The following XRN1 variants were observed in gnomAD, a reference collection of about 807,000 sequenced individuals.
The protein encoded by XRN1 is strand-exchange protein 1 homolog.
Under a neutral mutation model 222.3 loss-of-function variants are expected in XRN1, and 67 were observed. The ratio of observed to expected loss-of-function variants is 0.30; its 90% CI spans 0.25 to 0.37. XRN1 has a LOEUF of 0.37. XRN1 is among the 10% of genes least tolerant of loss of function. The probability of loss-of-function intolerance (pLI) is 1.00; values close to 1 mark genes in which losing one functional copy is unlikely to be tolerated. For synonymous variants in XRN1, 643 were observed against 652.4 expected (o/e 0.99, Z 0.22); for missense variants, 1,707 against 2,000.2 (o/e 0.85, Z 2.80).
intron 15 of XRN1, 24 bp from the exon 16 acceptor site, chr3:142,405,100 G>C (rs2068293868): frequency 6.2e-7 from 1 of 1,605,738 alleles, no homozygotes; most frequent in Admixed American, 1.7e-5. Flanking sequence ...TTGAAGAGAA[G>C]GGTTACAAGC....
chr3:142,434,920 G>T (rs1031074376), intron 1 of XRN1: 1 of 152,020 alleles, frequency 6.6e-6, no homozygotes, highest in South Asian at 2.1e-4. Context: ...TGTAAGAAAT[G>T]TAACAAAAAA....
At chr3:142,413,638 C>T (rs2068675061) in intron 14 of XRN1, among the ~76,000 whole-genome samples, 1 of 152,182 alleles carries the variant, frequency 6.6e-6, no homozygotes, top group African/African-American at 2.4e-5. Flanking sequence ...TATTTTCCTC[C>T]TGTTACATGA....
intron 37 of XRN1, among the ~76,000 whole-genome samples, chr3:142,324,830 ATT>A (rs2065471667): frequency 6.6e-6 from 1 of 152,038 alleles, no homozygotes; most frequent in Non-Finnish European, 1.5e-5. Flanking sequence ...TTTGATTTGC[ATT>A]TCTCTGATGG....
intron 13 of XRN1, among the ~76,000 whole-genome samples, chr3:142,416,172 T>C (rs2068779139): frequency 6.6e-6 from 1 of 152,052 alleles, no homozygotes; most frequent in Admixed American, 6.6e-5. Context: ...TTATTCTGTT[T>C]ATTTATTTAT....
chr3:142,430,086 T>C (rs986355083), intron 2 of XRN1, among the ~76,000 whole-genome samples: 1 of 152,100 alleles, frequency 6.6e-6, no homozygotes, highest in Non-Finnish European at 1.5e-5. Context: ...AAGGAGTAAG[T>C]TCCCGAAACC....
At chr3:142,348,159 A>G (rs1355720518) in intron 32 of XRN1, among the ~76,000 whole-genome samples, 1 of 151,960 alleles carries the variant, frequency 6.6e-6, no homozygotes, top group East Asian at 1.9e-4. Flanking sequence ...CATTCATTCT[A>G]TTTACTTGAT....
chr3:142,346,485 C>CTT (rs1252729302), intron 33 of XRN1, among the ~76,000 whole-genome samples: 6 of 143,052 alleles, frequency 4.2e-5, no homozygotes, highest in Non-Finnish European at 7.7e-5. Flanking sequence ...CAATCATCCT[C>CTT]TTTTTTTTTT....
chr3:142,354,289 G>C (rs1218999756), intron 32 of XRN1, among the ~76,000 whole-genome samples: 1 of 152,108 alleles, frequency 6.6e-6, no homozygotes, highest in African/African-American at 2.4e-5. Flanking sequence ...ATGCTGGTGA[G>C]GCTGTAGAAA....
intron 12 of XRN1, 24 bp downstream of exon 12, chr3:142,418,475 TTAAAA>T (rs1397952164): frequency 6.6e-7 from 1 of 1,525,070 alleles, no homozygotes; most frequent in Non-Finnish European, 8.9e-7. Flanking sequence ...TTTTTCTATT[TTAAAA>T]TAAAAGCATT....
chr3:142,347,781 A>G (rs2066191163), intron 32 of XRN1, among the ~76,000 whole-genome samples: 1 of 151,650 alleles, frequency 6.6e-6, no homozygotes, highest in Non-Finnish European at 1.5e-5. Context: ...TATTTTCAGT[A>G]GAGACGGGGT....
At position 142,335,500 on chromosome 3, in the gene XRN1, T is replaced by C. The variant is rs748041173; in HGVS notation, c.3887A>G (p.Glu1296Gly). Reference protein sequence around the residue: ...KHDPHRKFKEECKSPKAECWS... With the variant: ...KHDPHRKFKEGCKSPKAECWS... ...ACACTCAGCTTTAGGACTCTTACAC[T>C]CTTCTTTAACTAGAGACAAGAAAAC... The change falls in exon 34 of 41, where the codon GAG becomes GGG. Residue 1296 changes from glutamate to glycine, a missense_variant. This residue lies in a region of XRN1 where 473 missense variants were observed against 482.0 expected (regional missense o/e 0.98). Coordinates refer to ENST00000392981, the MANE Select transcript of XRN1 (RefSeq NM_001282857.2). 1.9e-6 allele frequency: 3 copies of C among 1,613,416 alleles called. No homozygotes were observed. The highest frequency in any genetic ancestry group is 1.1e-5 in the South Asian group (1 of 90,914).
At chr3:142,386,724 C>T (rs958441859) in intron 20 of XRN1, among the ~76,000 whole-genome samples, 13 of 151,954 alleles carry the variant, frequency 8.6e-5, no homozygotes, top group African/African-American at 3.1e-4. Flanking sequence ...TTCAAATGGC[C>T]AACAAACACG....
intron 32 of XRN1, among the ~76,000 whole-genome samples, chr3:142,349,043 C>T (rs146649183): frequency 1.5e-3 from 229 of 152,214 alleles, no homozygotes; most frequent in African/African-American, 5.4e-3. Flanking sequence ...ACCTTCGACT[C>T]CTGGGTTCAA....
In XRN1 at chr3:142,372,486, A is replaced by G. The variant is rs374001732; in HGVS notation, c.2979-1158T>C. Among the ~76,000 whole-genome samples the G allele has an allele frequency of 3.2e-3, 486 of 152,298 alleles. 2 individuals are homozygous for G. Among genetic ancestry groups the G allele is most frequent in the African/African-American group, 9.6e-3 (399 of 41,564 alleles). Reference sequence around the variant, plus strand: ...AATGAATTCCTTGAACAGCCCCACAAAGATCTCAAACTGGGATGGCCCTTC... The same window carrying G: ...AATGAATTCCTTGAACAGCCCCACAGAGATCTCAAACTGGGATGGCCCTTC... On this transcript the variant is annotated intron_variant, in intron 25 of 40. Transcript: ENST00000392981.
In XRN1 at chr3:142,311,259, A is replaced by C. The variant is rs1320510323; in HGVS notation, c.*252T>G. Reference sequence around the variant, plus strand: ...GTGATATTATTTTAATGCAAGGTTTAATTTAGTTTTTTATTACAGATTTAT... The same window carrying C: ...GTGATATTATTTTAATGCAAGGTTTCATTTAGTTTTTTATTACAGATTTAT... On this transcript the variant is annotated 3_prime_UTR_variant, in exon 41 of 41. Coordinates refer to ENST00000392981, the MANE Select transcript of XRN1 (RefSeq NM_001282857.2). 3.5e-6 allele frequency: 1 copy of C among 286,170 alleles called. No individual in the cohort carries two copies. Among genetic ancestry groups the C allele is most frequent in the Non-Finnish European group, 6.4e-6 (1 of 155,386 alleles). 17.7% of individuals were successfully genotyped at this position (286,170 alleles called of 1,614,324 possible). A position where few individuals can be genotyped will look rare whatever the true frequency, so the allele number is the denominator to read the frequency against.
chr3:142,328,703 TTATATATA>T (rs67278209), intron 37 of XRN1, among the ~76,000 whole-genome samples: 10 of 47,168 alleles, frequency 2.1e-4, no homozygotes, highest in Admixed American at 3.6e-4. Context: ...ACTTGTAATA[TTATATATA>T]TATATATATA....
At chr3:142,393,212 A>G (rs1197735192) in intron 20 of XRN1, among the ~76,000 whole-genome samples, 2 of 145,952 alleles carry the variant, frequency 1.4e-5, no homozygotes, top group East Asian at 2.0e-4. Context: ...TTCATTGTAG[A>G]TTCTGGATAT....
At chr3:142,325,491 T>C (rs2085177190) in intron 37 of XRN1, among the ~76,000 whole-genome samples, 1 of 152,052 alleles carries the variant, frequency 6.6e-6, no homozygotes. Context: ...ATGGGTATAT[T>C]GCATTTGCCC....
At chr3:142,362,443 T>C (rs938863722) in intron 29 of XRN1, among the ~76,000 whole-genome samples, 1 of 152,004 alleles carries the variant, frequency 6.6e-6, no homozygotes, top group Non-Finnish European at 1.5e-5. Flanking sequence ...TCTCTAATTT[T>C]TGTATTTTTA....
Sources: gnomAD v4.1 joint callset for allele counts (sites outside exome capture counted in the v4.1 genomes callset) on GRCh38, gnomAD v4.1.1 for gene constraint, gnomAD v4.1.1 regional missense constraint, MANE v1.5 for transcripts, NCBI Gene and HGNC (gene_info 2026-07-23, HGNC 2026-07-21) for gene names.